HNRNPL: variants seen among roughly 807,000 people sequenced by gnomAD.
HNRNPL encodes heterogeneous nuclear ribonucleoprotein L.
HNRNPL carries 12 observed loss-of-function variants against 64.0 expected under a neutral mutation model. The ratio of observed to expected loss-of-function variants is 0.19; its 90% CI spans 0.12 to 0.30. HNRNPL has a LOEUF of 0.30. HNRNPL is among the 10% of genes least tolerant of loss of function. The probability of loss-of-function intolerance (pLI) is 1.00; values close to 1 mark genes in which losing one functional copy is unlikely to be tolerated. For synonymous variants in HNRNPL, 385 were observed against 313.0 expected (o/e 1.23, Z -2.43); for missense variants, 484 against 797.4 (o/e 0.61, Z 4.73).
chr19:38,841,404 CAA>C (rs948836269), intron 6 of HNRNPL: 7 of 357,468 alleles, frequency 2.0e-5, no homozygotes, highest in African/African-American at 1.5e-4. Context: ...CACTTTGGCC[CAA>C]AGTCACAAAG....
chr19:38,846,484 C>T (rs1034010196), intron 2 of HNRNPL, among the ~76,000 whole-genome samples: 2 of 152,186 alleles, frequency 1.3e-5, no homozygotes, highest in African/African-American at 2.4e-5. Context: ...AATGAAAGAA[C>T]ACTGGCCAGG....
intron 4 of HNRNPL, chr19:38,845,389 A>C: frequency 6.5e-6 from 3 of 463,246 alleles, no homozygotes; most frequent in Non-Finnish European, 1.2e-5. Flanking sequence ...AAATAAGTAA[A>C]TAACAGAAAG....
intron 8 of HNRNPL, chr19:38,839,570 G>T (rs1198928344): frequency 5.9e-6 from 1 of 169,680 alleles, no homozygotes; most frequent in African/African-American, 2.4e-5. Context: ...ACAGTGCCTG[G>T]TAACTAACAA....
intron 10 of HNRNPL, among the ~76,000 whole-genome samples, 180 bp from the exon 11 acceptor site, chr19:38,837,831 A>G (rs1971980419): frequency 1.3e-5 from 2 of 152,224 alleles, no homozygotes; most frequent in South Asian, 4.1e-4. Context: ...AATGCTCTTT[A>G]ATTATTAAGT....
Position 38,837,491 on chromosome 19 carries a change from C to T in HNRNPL, c.1616-12G>A, listed in dbSNP as rs1425894694. On this transcript the variant is annotated splice_polypyrimidine_tract_variant and intron_variant, in intron 11 of 12. Coordinates refer to ENST00000221419, the MANE Select transcript of HNRNPL (RefSeq NM_001533.3). ...GGAGCTGCGCTCACCTGATTGCAAACCAAGGGGAAAAGTAAAGGTTTTAGA... is the reference window on the plus strand; with the variant it reads ...GGAGCTGCGCTCACCTGATTGCAAATCAAGGGGAAAAGTAAAGGTTTTAGA... 1 of 1,613,928 alleles carries T rather than the reference C, an allele frequency of 6.2e-7. No homozygotes were observed. Among genetic ancestry groups the T allele is most frequent in the African/African-American group, 1.3e-5 (1 of 74,918 alleles).
In HNRNPL at chr19:38,849,070, C is replaced by T. The variant is rs576836308; in HGVS notation, c.267+630G>A. On this transcript the variant is annotated intron_variant, in intron 1 of 12. Coordinates refer to ENST00000221419, the MANE Select transcript of HNRNPL (RefSeq NM_001533.3). ...ATCAAATCCTCGGTACCCAGTGAAT[C>T]CCCGGAAACTGTAAGCAAACTTGTG... Among the ~76,000 whole-genome samples, 3 of 152,308 alleles carry T rather than the reference C, an allele frequency of 2.0e-5. No homozygotes were observed. The South Asian group carries it at 6.2e-4, about 32-fold the overall frequency.
chr19:38,843,935 A>G (rs1349346383), intron 5 of HNRNPL, 21 bp from the exon 6 acceptor site: 1 of 1,613,798 alleles, frequency 6.2e-7, no homozygotes, highest in East Asian at 2.2e-5. Context: ...AGGACAAGAC[A>G]AGACTTGAGG....
intron 8 of HNRNPL, among the ~76,000 whole-genome samples, 192 bp downstream of exon 8, chr19:38,839,904 C>G (rs1051847429): frequency 3.3e-5 from 5 of 152,056 alleles, no homozygotes; most frequent in Admixed American, 2.0e-4. Context: ...ATTGGTAATT[C>G]AAAAACACAA....
upstream of HNRNPL, among the ~76,000 whole-genome samples, chr19:38,851,703 G>A (rs1422190228): frequency 6.6e-6 from 1 of 152,224 alleles, no homozygotes; most frequent in Non-Finnish European, 1.5e-5. Context: ...TTTCGAGGTT[G>A]CAGTGAGCCG....
In HNRNPL at chr19:38,845,764, G is replaced by A. The variant is rs191294765; in HGVS notation, c.625-29C>T. On this transcript the variant is annotated intron_variant, in intron 3 of 12. Coordinates refer to ENST00000221419, the MANE Select transcript of HNRNPL (RefSeq NM_001533.3). ...CAAAAGCAAACACAGGCAAGATGAA[G>A]GGGCACTGGCAGATCAGTCTGGCTT... 1.2e-4 allele frequency: 199 copies of A among 1,605,480 alleles called. No homozygotes were observed. The East Asian group carries it at 3.3e-3, about 27-fold the overall frequency.
chr19:38,849,899 T>C lies in HNRNPL; in HGVS notation c.68A>G (p.Asp23Gly), dbSNP rs562142379. Residue 23 changes from aspartate to glycine, a missense_variant, in exon 1 of 13, where the codon GAC becomes GGC. Transcript: ENST00000221419. ...CGCTCCCGACCGCCTCCGCTGCTCG[T>C]CCGGCTGCTGCCTCTGCTCCAGCCG... is the stretch of plus-strand genomic sequence containing the variant. ...RRRLEQRQQP[D>G]EQRRRSGAMV... The C allele has an allele frequency of 1.8e-5, 23 of 1,266,220 alleles. No homozygotes were observed. The South Asian group carries it at 1.9e-4, about 10-fold the overall frequency. The allele number at this position is 1,266,220 out of a possible 1,614,324, so 78.4% of individuals were successfully genotyped here.
At chr19:38,837,693 G>C (rs761990087) in intron 10 of HNRNPL, 42 bp from the exon 11 acceptor site, 1 of 1,572,268 alleles carries the variant, frequency 6.4e-7, no homozygotes, top group Non-Finnish European at 8.7e-7. Context: ...TGAAACAAAA[G>C]GGCCGCCACA....
rs773135653 is a variant in HNRNPL, at chr19:38,845,639, G to T, written c.710+11C>A. On this transcript the variant is annotated intron_variant, in intron 4 of 12. Transcript: ENST00000221419. Reference sequence around the variant, plus strand: ...TACCCTAAGGAACACCTGTTTTCCAGCAAAGGATATTCCACCATCGCCTGA... The same window carrying T: ...TACCCTAAGGAACACCTGTTTTCCATCAAAGGATATTCCACCATCGCCTGA... The T allele has an allele frequency of 2.5e-6, 4 of 1,606,232 alleles. No individual in the cohort carries two copies. Among genetic ancestry groups the T allele is most frequent in the East Asian group, 2.2e-5 (1 of 44,860 alleles).
upstream of HNRNPL, chr19:38,850,244 G>C: frequency 2.7e-6 from 1 of 373,670 alleles, no homozygotes; most frequent in Non-Finnish European, 4.8e-6. Flanking sequence ...CGGATTTCTG[G>C]CGCTGCTGGC....
chr19:38,843,645 C>G lies in HNRNPL; in HGVS notation c.880+197G>C. The stretch of plus-strand genomic sequence containing the variant: ...TGTATCCTGAGCAGCATCGGAGGGC[C>G]CCAAGCAGCAGTGAAGACCCATGGA... On this transcript the variant is annotated intron_variant, in intron 6 of 12. Transcript: ENST00000221419. 5.0e-6 allele frequency: 3 copies of G among 595,158 alleles called. No homozygotes were observed. In the South Asian group the frequency reaches 6.1e-5, roughly 12 times the overall value. 36.9% of individuals were successfully genotyped at this position (595,158 alleles called of 1,614,324 possible).
At chr19:38,851,151 A>G (rs561591345), upstream of HNRNPL, 3 of 152,658 alleles carry the variant, frequency 2.0e-5, no homozygotes, top group South Asian at 2.1e-4. Context: ...CGCCCAGTAC[A>G]GCACCTGGCA....
At chr19:38,850,241 C>G (rs927203324), upstream of HNRNPL, 2 of 374,822 alleles carry the variant, frequency 5.3e-6, no homozygotes, top group Non-Finnish European at 9.5e-6. Flanking sequence ...GGTCGGATTT[C>G]TGGCGCTGCT....
At chr19:38,851,844 G>A (rs985259009), upstream of HNRNPL, among the ~76,000 whole-genome samples, 3 of 152,034 alleles carry the variant, frequency 2.0e-5, no homozygotes, top group Admixed American at 2.0e-4. Flanking sequence ...TAGGGGAGGG[G>A]GCCTTGCTGG....
At chr19:38,842,920 G>A (rs1972163321) in intron 6 of HNRNPL, among the ~76,000 whole-genome samples, 2 of 152,172 alleles carry the variant, frequency 1.3e-5, no homozygotes, top group East Asian at 1.9e-4. Context: ...GCCCGCTCTG[G>A]TACATTCACT....
Sources: allele counts gnomAD v4.1 joint callset (sites outside exome capture counted in the v4.1 genomes callset), GRCh38; gene constraint gnomAD v4.1.1; transcripts MANE v1.5; gene names NCBI Gene and HGNC (gene_info 2026-07-23, HGNC 2026-07-21).